VWC2L: variants seen among roughly 807,000 people sequenced by gnomAD.
The protein encoded by VWC2L is von Willebrand factor C domain-containing protein 2-like.
VWC2L carries 10 observed loss-of-function variants against 21.6 expected under a neutral mutation model. That is an observed-to-expected ratio of 0.46 (90% CI 0.29 to 0.78). The LOEUF (loss-of-function observed/expected upper bound fraction) is 0.78. VWC2L is among the 30% of genes least tolerant of loss of function. The probability of loss-of-function intolerance (pLI) is 0.10; values close to 1 mark genes in which losing one functional copy is unlikely to be tolerated. For missense variants in VWC2L, 209 were observed against 277.1 expected (o/e 0.75, Z 1.74); for synonymous variants, 96 against 94.3 (o/e 1.02, Z -0.10).
intron 3 of VWC2L, among the ~76,000 whole-genome samples, chr2:214,499,947 G>A (rs990915040): frequency 6.6e-6 from 1 of 152,208 alleles, no homozygotes; most frequent in Non-Finnish European, 1.5e-5. Flanking sequence ...AATGATAGGG[G>A]CTATTACGGT....
chr2:214,448,377 T>C (rs767889076), intron 3 of VWC2L, among the ~76,000 whole-genome samples: 74 of 152,360 alleles, frequency 4.9e-4, no homozygotes, highest in Admixed American at 9.8e-4. Flanking sequence ...GTATGTTTTC[T>C]ATTTCATACA....
At chr2:214,499,827 T>C (rs1046605254) in intron 3 of VWC2L, among the ~76,000 whole-genome samples, 7 of 152,224 alleles carry the variant, frequency 4.6e-5, no homozygotes, top group Admixed American at 2.0e-4. Flanking sequence ...CAAATATTCA[T>C]TGAGCCACTA....
chr2:214,553,912 C>G (rs1689835210), intron 3 of VWC2L, among the ~76,000 whole-genome samples: 1 of 152,152 alleles, frequency 6.6e-6, no homozygotes, highest in Admixed American at 6.5e-5. Context: ...GCTTAAAGGT[C>G]TGTAGAACCT....
chr2:214,475,551 A>G (rs1688503723), intron 3 of VWC2L, among the ~76,000 whole-genome samples: 3 of 152,092 alleles, frequency 2.0e-5, no homozygotes, highest in Admixed American at 6.5e-5. Flanking sequence ...TTTAGTCCCA[A>G]TGTTGGGGAG....
At chr2:214,437,938 G>C (rs1291358246) in intron 3 of VWC2L, among the ~76,000 whole-genome samples, 1 of 151,712 alleles carries the variant, frequency 6.6e-6, no homozygotes, top group Non-Finnish European at 1.5e-5. Flanking sequence ...CGATTAACTT[G>C]AATATTAAGT....
rs192672072 is a variant in VWC2L at position 214,411,491 on chromosome 2, T to G, written c.-376T>G. On this transcript the variant is annotated 5_prime_UTR_variant, in exon 1 of 4. Coordinates refer to ENST00000312504, the MANE Select transcript of VWC2L (RefSeq NM_001080500.4). ...AAAAATAAGTTCAACATGATTCTGC[T>G]ACTGGGGTCTGGATTTCTACAGGAC... 14 of 152,364 alleles carry G rather than the reference T, an allele frequency of 9.2e-5. No individual in the cohort carries two copies. The highest frequency in any genetic ancestry group is 2.6e-4 in the African/African-American group (11 of 41,590). The allele number at this position is 152,364 out of a possible 1,614,324, so 9.4% of individuals were successfully genotyped here.
intron 3 of VWC2L, among the ~76,000 whole-genome samples, chr2:214,481,416 C>G (rs762028226): frequency 2.0e-5 from 3 of 152,124 alleles, no homozygotes. Flanking sequence ...GGATCTCAGA[C>G]TCGTGAATGA....
chr2:214,554,043 C>T (rs932355482), intron 3 of VWC2L, among the ~76,000 whole-genome samples: 4 of 152,058 alleles, frequency 2.6e-5, no homozygotes, highest in African/African-American at 7.2e-5. Flanking sequence ...CCCATCTTTG[C>T]CCAGGCCACT....
intron 3 of VWC2L, among the ~76,000 whole-genome samples, chr2:214,479,953 G>A (rs1277496623): frequency 1.3e-5 from 2 of 152,108 alleles, no homozygotes; most frequent in Non-Finnish European, 2.9e-5. Context: ...TCCTAGGATG[G>A]TTGTGTCATT....
intron 3 of VWC2L, among the ~76,000 whole-genome samples, chr2:214,490,680 T>C (rs1356960826): frequency 1.3e-5 from 2 of 151,942 alleles, no homozygotes; most frequent in Non-Finnish European, 2.9e-5. Flanking sequence ...ACTTTACAAG[T>C]GCCAGGAGAA....
chr2:214,527,244 A>C (rs1240365898), intron 3 of VWC2L, among the ~76,000 whole-genome samples: 2 of 152,144 alleles, frequency 1.3e-5, no homozygotes, highest in Admixed American at 6.5e-5. Context: ...GGGGATTATT[A>C]GAGGGTGGAG....
intron 3 of VWC2L, among the ~76,000 whole-genome samples, chr2:214,572,852 G>A (rs1328355105): frequency 6.6e-6 from 1 of 152,092 alleles, no homozygotes; most frequent in African/African-American, 2.4e-5. Context: ...AATACCTCTG[G>A]CCATCAGGTA....
rs562166369 is a variant in VWC2L at position 214,415,615 on chromosome 2, C to CAGTA, written c.390+1033_390+1036dup. Reference sequence around the variant, plus strand: ...ACAAGGGTCAAATGGTGCCAGAAATCAGTATGTAGAAAAAAGGTCTCAACT... The same window carrying CAGTA: ...ACAAGGGTCAAATGGTGCCAGAAATCAGTAAGTATGTAGAAAAAAGGTCTCAACT... On this transcript the variant is annotated intron_variant, in intron 2 of 3. Coordinates refer to ENST00000312504, the MANE Select transcript of VWC2L (RefSeq NM_001080500.4). Among the ~76,000 whole-genome samples, 5 of 152,138 alleles carry CAGTA rather than the reference C, an allele frequency of 3.3e-5. No homozygotes were observed. The South Asian group carries it at 1.0e-3, about 32-fold the overall frequency.
chr2:214,535,200 T>C (rs1689506835), intron 3 of VWC2L, among the ~76,000 whole-genome samples: 1 of 152,138 alleles, frequency 6.6e-6, no homozygotes, highest in African/African-American at 2.4e-5. Context: ...GGGTAATATT[T>C]TTCAATTTTG....
intron 3 of VWC2L, among the ~76,000 whole-genome samples, chr2:214,461,211 TGGATTTAAGTG>T (rs576508873): frequency 3.9e-4 from 60 of 152,104 alleles, no homozygotes; most frequent in African/African-American, 1.4e-3. Flanking sequence ...CTGGTGGTAG[TGGATTTAAGTG>T]GGATAATTCT....
At chr2:214,507,006 G>A (rs1218529301) in intron 3 of VWC2L, among the ~76,000 whole-genome samples, 2 of 151,864 alleles carry the variant, frequency 1.3e-5, no homozygotes, top group Non-Finnish European at 2.9e-5. Context: ...AAAAAAATGA[G>A]CTATTTAATT....
intron 3 of VWC2L, among the ~76,000 whole-genome samples, chr2:214,470,232 A>C (rs991720572): frequency 6.6e-6 from 1 of 151,962 alleles, no homozygotes; most frequent in African/African-American, 2.4e-5. Flanking sequence ...TTGCACTTGA[A>C]GAAAAGAAAA....
At chr2:214,486,228 A>C (rs1688670511) in intron 3 of VWC2L, among the ~76,000 whole-genome samples, 1 of 152,228 alleles carries the variant, frequency 6.6e-6, no homozygotes, top group South Asian at 2.1e-4. Flanking sequence ...TCTGAGCCAT[A>C]GAAAAGTTAA....
chr2:214,563,546 C>CAAAAAAAA (rs55864016), intron 3 of VWC2L, among the ~76,000 whole-genome samples: 37 of 95,850 alleles, frequency 3.9e-4, no homozygotes, highest in Middle Eastern at 6.0e-3. Flanking sequence ...GACTCCGTCT[C>CAAAAAAAA]AAAAAAAAAA....
Sources: allele counts gnomAD v4.1 joint callset (sites outside exome capture counted in the v4.1 genomes callset), GRCh38; gene constraint gnomAD v4.1.1; transcripts MANE v1.5; gene names NCBI Gene and HGNC (gene_info 2026-07-23, HGNC 2026-07-21).